The following EIF4G3 variants were observed in gnomAD, a reference collection of about 807,000 sequenced individuals.
EIF4G3 encodes the protein eIF-4-gamma 3.
Under a neutral mutation model 186.4 loss-of-function variants are expected in EIF4G3, and 34 were observed. The observed-to-expected ratio is 0.18, with a 90% CI of 0.14 to 0.24. The LOEUF is 0.24. EIF4G3 is among the 10% of genes least tolerant of loss of function. The pLI is 1.00. For synonymous variants in EIF4G3, 673 were observed against 679.5 expected (o/e 0.99, Z 0.15); for missense variants, 1,536 against 1,948.5 (o/e 0.79, Z 3.99).
Position 20,864,560 on chromosome 1 carries a change from T to C in EIF4G3, c.2922A>G (p.Leu974=). 6.2e-7 allele frequency: 1 copy of C among 1,614,180 alleles called. No homozygotes were observed. The highest frequency in any genetic ancestry group is 2.2e-5 in the East Asian group (1 of 44,890). ...CCAGGGATTCTTCATCATGGTTCTTTAGCAGCTTCACCACACAGTCATGCA... is the reference window on the plus strand; with the variant it reads ...CCAGGGATTCTTCATCATGGTTCTTCAGCAGCTTCACCACACAGTCATGCA... ...AIMHDCVVKL[L]KNHDEESLEC... is the part of the protein sequence containing the mutation. The change falls in exon 22 of 37, where the codon CTA becomes CTG. Residue 974 remains leucine, a synonymous_variant. Transcript: ENST00000602326.
intron 3 of EIF4G3, among the ~76,000 whole-genome samples, chr1:21,068,232 G>A (rs1225337496): frequency 1.3e-5 from 2 of 151,286 alleles, no homozygotes; most frequent in Non-Finnish European, 2.9e-5. Context: ...AAATTAGCCG[G>A]GCATAAGGCA....
chr1:20,881,033 T>C (rs533827922), intron 19 of EIF4G3, among the ~76,000 whole-genome samples: 4 of 152,144 alleles, frequency 2.6e-5, no homozygotes, highest in South Asian at 2.1e-4. Flanking sequence ...CTAAATAATT[T>C]TGAAGAAAAA....
intron 3 of EIF4G3, among the ~76,000 whole-genome samples, chr1:21,069,006 A>C (rs2095359493): frequency 6.6e-6 from 1 of 152,196 alleles, no homozygotes; most frequent in African/African-American, 2.4e-5. Context: ...TTTTGATTAG[A>C]GATGCTCAAC....
At chr1:20,970,780 A>G (rs1204869262) in intron 11 of EIF4G3, among the ~76,000 whole-genome samples, 1 of 152,128 alleles carries the variant, frequency 6.6e-6, no homozygotes, top group Non-Finnish European at 1.5e-5. Context: ...CCTGGCCAAC[A>G]TGGTGAAACC....
At chr1:20,891,616 CAAA>C (rs11343165) in intron 18 of EIF4G3, among the ~76,000 whole-genome samples, 2 of 81,624 alleles carry the variant, frequency 2.5e-5, no homozygotes, top group Admixed American at 1.3e-4. Flanking sequence ...ACTAAAAATA[CAAA>C]AAAAAAAAAA....
chr1:20,953,815 G>A (rs766489925), intron 12 of EIF4G3, among the ~76,000 whole-genome samples: 1 of 152,108 alleles, frequency 6.6e-6, no homozygotes, highest in Non-Finnish European at 1.5e-5. Flanking sequence ...GGGTGGTGGG[G>A]AAAACAAGAG....
chr1:21,071,643 C>A (rs1025778742), intron 3 of EIF4G3, among the ~76,000 whole-genome samples: 7 of 151,710 alleles, frequency 4.6e-5, no homozygotes, highest in South Asian at 2.1e-4. Context: ...ACCAGCTTGA[C>A]CAAAATACAA....
chr1:21,113,267 G>C (rs2096759425), intron 2 of EIF4G3, among the ~76,000 whole-genome samples: 1 of 150,862 alleles, frequency 6.6e-6, no homozygotes, highest in Non-Finnish European at 1.5e-5. Flanking sequence ...TAGACCAGCT[G>C]AATTCTTGTT....
At chr1:20,920,882 T>C (rs1047531887) in intron 14 of EIF4G3, among the ~76,000 whole-genome samples, 1 of 152,210 alleles carries the variant, frequency 6.6e-6, no homozygotes, top group African/African-American at 2.4e-5. Flanking sequence ...CATCCATTTA[T>C]AGAGAAAGCT....
intron 3 of EIF4G3, among the ~76,000 whole-genome samples, chr1:21,084,033 A>T (rs1483663183): frequency 1.3e-5 from 2 of 152,026 alleles, no homozygotes; most frequent in Non-Finnish European, 2.9e-5. Flanking sequence ...TCACCACCAC[A>T]TGTCCACATC....
At chr1:20,918,697 GTATCT>G (rs1327056052) in intron 14 of EIF4G3, among the ~76,000 whole-genome samples, 5 of 122,390 alleles carry the variant, frequency 4.1e-5, no homozygotes, top group African/African-American at 1.6e-4. Context: ...TATCCTCCTA[GTATCT>G]TTTTTTTTTT....
At chr1:20,847,492 T>C (rs2071545361) in intron 29 of EIF4G3, among the ~76,000 whole-genome samples, 1 of 152,214 alleles carries the variant, frequency 6.6e-6, no homozygotes, top group Admixed American at 6.5e-5. Flanking sequence ...CACAGGATCA[T>C]ATTTTTCCCC....
chr1:20,963,510 G>A (rs957693147), intron 12 of EIF4G3, among the ~76,000 whole-genome samples: 2 of 152,018 alleles, frequency 1.3e-5, no homozygotes, highest in Non-Finnish European at 1.5e-5. Context: ...CCTAAGATAC[G>A]CTATCAATCC....
chr1:21,083,037 CAAAAAAAAAAAAAAAAAA>C (rs544781256), intron 3 of EIF4G3, among the ~76,000 whole-genome samples: 27 of 66,432 alleles, frequency 4.1e-4, no homozygotes, highest in African/African-American at 1.4e-3. Context: ...GACTCTGTCT[CAAAAAAAAAAAAAAAAAA>C]AAAAAAAAAA....
At chr1:21,034,710 A>G (rs1426700908) in intron 4 of EIF4G3, among the ~76,000 whole-genome samples, 1 of 152,224 alleles carries the variant, frequency 6.6e-6, no homozygotes, top group Non-Finnish European at 1.5e-5. Context: ...GTGCTCAGGT[A>G]TAGACACCAA....
rs1276386341 is a variant in EIF4G3 at position 21,051,025 on chromosome 1, T to C, written c.-195-31A>G. On this transcript the variant is annotated intron_variant, in intron 3 of 36. Transcript: ENST00000602326. ...AGGAAATCAATATTTAGTAAGAACA[T>C]TATATTAGTAAATCAATCTTAATAA... The C allele has an allele frequency of 1.1e-5, 8 of 715,304 alleles. No individual in the cohort carries two copies. In the Admixed American group the frequency reaches 1.4e-4, roughly 13 times the overall value. The allele number at this position is 715,304 out of a possible 1,614,324, so 44.3% of individuals were successfully genotyped here.
intron 3 of EIF4G3, among the ~76,000 whole-genome samples, chr1:21,074,619 C>T (rs187918221): frequency 6.6e-6 from 1 of 151,908 alleles, no homozygotes; most frequent in Admixed American, 6.6e-5. Context: ...CTTTTCCATA[C>T]CAAATAATTC....
At chr1:20,993,239 C>T (rs1304840734) in intron 7 of EIF4G3, among the ~76,000 whole-genome samples, 1 of 152,114 alleles carries the variant, frequency 6.6e-6, no homozygotes, top group Non-Finnish European at 1.5e-5. Flanking sequence ...AAAAAGAGCT[C>T]TAGCCCTCCA....
At chr1:21,043,574 G>GT (rs1376855197) in intron 4 of EIF4G3, among the ~76,000 whole-genome samples, 2 of 152,134 alleles carry the variant, frequency 1.3e-5, no homozygotes, top group Non-Finnish European at 2.9e-5. Context: ...ACATTTCAAG[G>GT]TAAGTTACAG....
Sources: gnomAD v4.1 joint callset for allele counts (sites outside exome capture counted in the v4.1 genomes callset) on GRCh38, gnomAD v4.1.1 for gene constraint, MANE v1.5 for transcripts, NCBI Gene and HGNC (gene_info 2026-07-23, HGNC 2026-07-21) for gene names.